The following FHIT variants were observed in gnomAD, a reference collection of about 807,000 sequenced individuals.
FHIT encodes bis(5'-adenosyl)-triphosphatase.
A neutral mutation model predicts 17.9 loss-of-function variants in FHIT; 19 were observed. The ratio of observed to expected loss-of-function variants is 1.06; its 90% CI spans 0.74 to 1.56. The LOEUF (loss-of-function observed/expected upper bound fraction) is 1.56, where lower values mean the gene tolerates loss of function less well. FHIT is among the 40% of genes most tolerant of loss of function. FHIT has a pLI of 0.00. For synonymous variants in FHIT, 81 were observed against 69.7 expected (o/e 1.16, Z -0.81); for missense variants, 248 against 189.2 (o/e 1.31, Z -1.82).
intron 5 of FHIT, among the ~76,000 whole-genome samples, chr3:60,151,961 T>A (rs888121608): frequency 6.6e-6 from 1 of 152,174 alleles, no homozygotes; most frequent in Non-Finnish European, 1.5e-5. Flanking sequence ...TGGGCACAAG[T>A]ACTTTTGTTT....
intron 3 of FHIT, among the ~76,000 whole-genome samples, chr3:60,914,621 T>C (rs186928374): frequency 2.9e-4 from 44 of 152,320 alleles, no homozygotes; most frequent in African/African-American, 9.9e-4. Context: ...ATCTGCATGT[T>C]CTTCAATGAT....
At chr3:61,135,878 C>G (rs1486445750) in intron 2 of FHIT, among the ~76,000 whole-genome samples, 3 of 151,998 alleles carry the variant, frequency 2.0e-5, no homozygotes, top group African/African-American at 7.3e-5. Context: ...ACCAAAAGCA[C>G]AGAGCTAGTT....
intron 5 of FHIT, among the ~76,000 whole-genome samples, chr3:60,412,541 T>C (rs1702101218): frequency 6.6e-6 from 1 of 152,032 alleles, no homozygotes; most frequent in Non-Finnish European, 1.5e-5. Context: ...TCAGTATTAG[T>C]CAAGTGAGAG....
rs1576762147 is a variant in FHIT, at chr3:60,497,450, A to G, written c.103+39410T>C. On this transcript the variant is annotated intron_variant, in intron 5 of 9. Transcript: ENST00000492590. ...CAAAAATATAAAAATCATTCTGCAA[A>G]CAAACACAGTTAATTTCTAAATTTG... 5.9e-5 allele frequency among the ~76,000 whole-genome samples: 9 copies of G among 152,152 alleles called. 1 individual carries two copies. In the South Asian group the frequency reaches 1.9e-3, roughly 32 times the overall value.
At chr3:61,168,293 G>T (rs1480178060) in intron 2 of FHIT, among the ~76,000 whole-genome samples, 2 of 152,124 alleles carry the variant, frequency 1.3e-5, no homozygotes, top group Non-Finnish European at 2.9e-5. Flanking sequence ...CTTACTGTCT[G>T]GCCCTTTACA....
At chr3:59,754,310 C>T (rs1043576560) in intron 8 of FHIT, among the ~76,000 whole-genome samples, 5 of 152,274 alleles carry the variant, frequency 3.3e-5, no homozygotes, top group East Asian at 1.9e-4. Context: ...GCTGCCAGCA[C>T]GCTGATTTTA....
intron 3 of FHIT, among the ~76,000 whole-genome samples, chr3:60,833,819 T>C (rs1702421258): frequency 6.6e-6 from 1 of 152,216 alleles, no homozygotes; most frequent in Non-Finnish European, 1.5e-5. Context: ...TCTTAACTTT[T>C]AACCACAAAT....
At chr3:61,208,643 C>CT (rs1003374744) in intron 1 of FHIT, among the ~76,000 whole-genome samples, 42 of 151,040 alleles carry the variant, frequency 2.8e-4, no homozygotes, top group Admixed American at 2.0e-3. Context: ...CAAACCCTGC[C>CT]TTTTTTTTTG....
chr3:60,906,208 C>T (rs1477287845), intron 3 of FHIT, among the ~76,000 whole-genome samples: 1 of 152,070 alleles, frequency 6.6e-6, no homozygotes, highest in African/African-American at 2.4e-5. Flanking sequence ...GATTGATTGT[C>T]AGGAGGGGTA....
intron 5 of FHIT, among the ~76,000 whole-genome samples, chr3:60,027,460 C>T (rs908673114): frequency 6.6e-6 from 1 of 152,116 alleles, no homozygotes; most frequent in Admixed American, 6.6e-5. Flanking sequence ...CATAATCTCT[C>T]ATTACCAACA....
At chr3:60,717,385 A>G (rs1553707052) in intron 4 of FHIT, among the ~76,000 whole-genome samples, 2 of 152,164 alleles carry the variant, frequency 1.3e-5, no homozygotes, top group Admixed American at 6.5e-5. Flanking sequence ...ATCATTTAGC[A>G]ATGTATACAT....
intron 8 of FHIT, among the ~76,000 whole-genome samples, chr3:59,892,358 G>A (rs1282787931): frequency 6.6e-6 from 1 of 152,214 alleles, no homozygotes; most frequent in African/African-American, 2.4e-5. Flanking sequence ...CCATGCCAAG[G>A]AGGGCAGTCA....
intron 5 of FHIT, among the ~76,000 whole-genome samples, chr3:60,444,454 T>A (rs199701847): frequency 5.9e-5 from 9 of 152,206 alleles, no homozygotes; most frequent in East Asian, 1.9e-4. Context: ...CAAATGTCCA[T>A]CAATGATAGA....
intron 8 of FHIT, among the ~76,000 whole-genome samples, chr3:59,874,829 C>CAAT (rs1195425077): frequency 2.0e-5 from 3 of 152,216 alleles, no homozygotes; most frequent in Non-Finnish European, 4.4e-5. Context: ...CTATGGGCTC[C>CAAT]AATTCCATTC....
At chr3:59,917,388 A>T (rs1705183189) in intron 8 of FHIT, among the ~76,000 whole-genome samples, 1 of 152,194 alleles carries the variant, frequency 6.6e-6, no homozygotes, top group Non-Finnish European at 1.5e-5. Context: ...AGAGTTGGTT[A>T]TTTGGGATAC....
intron 1 of FHIT, among the ~76,000 whole-genome samples, chr3:61,202,509 TA>T (rs35348304): frequency 0.29 from 36,615 of 124,292 alleles, 4,878 homozygotes; most frequent in East Asian, 0.5. Context: ...ACTTTTTCGT[TA>T]AAAAAAAAAA....
At chr3:59,833,013 G>C (rs1022295133) in intron 8 of FHIT, among the ~76,000 whole-genome samples, 1 of 152,144 alleles carries the variant, frequency 6.6e-6, no homozygotes. Context: ...TTCTAATCTG[G>C]TTTAAATGAA....
intron 4 of FHIT, among the ~76,000 whole-genome samples, chr3:60,693,669 C>T (rs1472893593): frequency 6.6e-6 from 1 of 152,200 alleles, no homozygotes; most frequent in Non-Finnish European, 1.5e-5. Context: ...GTGCTGAAGG[C>T]CCCATGGCAG....
At chr3:60,007,424 T>C (rs1268280220) in intron 7 of FHIT, among the ~76,000 whole-genome samples, 1 of 152,208 alleles carries the variant, frequency 6.6e-6, no homozygotes, top group Non-Finnish European at 1.5e-5. Flanking sequence ...CGTCTTCTAC[T>C]TCATGTTAAC....
Sources: allele counts gnomAD v4.1 joint callset (sites outside exome capture counted in the v4.1 genomes callset), GRCh38; gene constraint gnomAD v4.1.1; transcripts MANE v1.5; gene names NCBI Gene and HGNC (gene_info 2026-07-23, HGNC 2026-07-21).